Variants in PTCHD1 observed in about 807,000 individuals in gnomAD.
PTCHD1 encodes the protein patched domain-containing protein 1.
A neutral mutation model predicts 34.6 loss-of-function variants in PTCHD1; 3 were observed. The ratio of observed to expected loss-of-function variants is 0.09; its 90% CI spans 0.04 to 0.22. The LOEUF (loss-of-function observed/expected upper bound fraction) is 0.22. PTCHD1 is among the 10% of genes least tolerant of loss of function. The probability of loss-of-function intolerance (pLI) is 1.00; values close to 1 mark genes in which losing one functional copy is unlikely to be tolerated. For missense variants in PTCHD1, 504 were observed against 685.5 expected (o/e 0.74, Z 2.96); for synonymous variants, 305 against 283.1 (o/e 1.08, Z -0.77).
At chrX:23,380,782 G>A (rs959675597) in intron 2 of PTCHD1, among the ~76,000 whole-genome samples, 27 of 111,301 alleles carry the variant, frequency 2.4e-4, no homozygotes, top group Non-Finnish European at 3.8e-5. Context: ...ACACACCTCA[G>A]AGAGGTCCTC....
intron 1 of PTCHD1, among the ~76,000 whole-genome samples, chrX:23,342,299 TA>T (rs1921349920): frequency 6.8e-4 from 6 of 8,785 alleles, no homozygotes; most frequent in East Asian, 6.0e-3. Flanking sequence ...TATATATATA[TA>T]TATATATATA....
Position 23,379,783 on chromosome X carries a change from G to T in PTCHD1, c.544G>T (p.Asp182Tyr). Residue 182 changes from aspartate to tyrosine, a missense_variant, in exon 2 of 3, where the codon GAC becomes TAC. Transcript: ENST00000379361. ...AITYPITHLK[D>Y]GRAVYNGHQL... Reference sequence around the variant, plus strand: ...CACATACCCAATCACTCACTTAAAGGACGGGAGGGCTGTGTACAATGGGCA... The same window carrying T: ...CACATACCCAATCACTCACTTAAAGTACGGGAGGGCTGTGTACAATGGGCA... The T allele has an allele frequency of 3.3e-6, 4 of 1,211,404 alleles. No individual in the cohort carries two copies. Among genetic ancestry groups the T allele is most frequent in the Non-Finnish European group, 4.5e-6 (4 of 895,482 alleles).
chrX:23,365,551 C>T (rs997630227), intron 1 of PTCHD1, among the ~76,000 whole-genome samples: 1 of 111,449 alleles, frequency 9.0e-6, no homozygotes, highest in Admixed American at 9.5e-5. Context: ...CAGGCCACTT[C>T]TGTGGGCAAC....
At position 23,380,058 on chromosome X, in the gene PTCHD1, C is replaced by A. The variant is rs769884877; in HGVS notation, c.819C>A (p.Val273=). ...GCCGCGTATCAGAACGTTACCTGGTCACCAGCCTGATTCTGGTGGTTACCA... is the reference window on the plus strand; with the variant it reads ...GCCGCGTATCAGAACGTTACCTGGTAACCAGCCTGATTCTGGTGGTTACCA... ...KTSRVSERYL[V]TSLILVVTMA... is the part of the protein sequence containing the mutation. The change falls in exon 2 of 3, where the codon GTC becomes GTA. Residue 273 remains valine (V), a synonymous_variant. Coordinates refer to ENST00000379361, the MANE Select transcript of PTCHD1 (RefSeq NM_173495.3). 2 of 1,211,869 alleles carry A rather than the reference C, an allele frequency of 1.7e-6. No individual in the cohort carries two copies. The highest frequency in any genetic ancestry group is 3.5e-5 in the South Asian group (2 of 56,973).
chrX:23,378,126 G>A (rs982561683), intron 1 of PTCHD1, among the ~76,000 whole-genome samples: 2 of 111,832 alleles, frequency 1.8e-5, no homozygotes, highest in African/African-American at 3.2e-5. Flanking sequence ...TTTTGCACAC[G>A]GGCCACATTT....
chrX:23,357,451 T>G (rs1348717166), intron 1 of PTCHD1, among the ~76,000 whole-genome samples: 3 of 111,308 alleles, frequency 2.7e-5, no homozygotes, highest in Non-Finnish European at 3.8e-5. Flanking sequence ...CTGTAAAATG[T>G]TATGATCACT....
rs745408095 is a variant in PTCHD1, at chrX:23,358,359, T to C, written c.352-21232T>C. Reference sequence around the variant, plus strand: ...TTTTAATGATTGCCATTCTAACTGGTGTGAGATGGTATCTCATTGTGGTTT... The same window carrying C: ...TTTTAATGATTGCCATTCTAACTGGCGTGAGATGGTATCTCATTGTGGTTT... On this transcript the variant is annotated intron_variant, in intron 1 of 2. Coordinates refer to ENST00000379361, the MANE Select transcript of PTCHD1 (RefSeq NM_173495.3). Among the ~76,000 whole-genome samples the C allele has an allele frequency of 1.1e-4, 12 of 112,248 alleles. No homozygotes were observed. In the South Asian group the frequency reaches 4.5e-3, roughly 42 times the overall value.
intron 1 of PTCHD1, among the ~76,000 whole-genome samples, chrX:23,354,866 CGG>C (rs1167387592): frequency 9.3e-6 from 1 of 107,108 alleles, no homozygotes; most frequent in Non-Finnish European, 2.0e-5. Flanking sequence ...CCACCACACC[CGG>C]CCAAAATTCT....
intron 1 of PTCHD1, among the ~76,000 whole-genome samples, chrX:23,353,092 G>A (rs1921687930): frequency 8.9e-6 from 1 of 112,123 alleles, no homozygotes; most frequent in East Asian, 2.8e-4. Context: ...AAATCTCATT[G>A]TATTCTATAT....
intron 2 of PTCHD1, among the ~76,000 whole-genome samples, chrX:23,388,428 A>G (rs1299365947): frequency 2.7e-5 from 3 of 112,441 alleles, no homozygotes; most frequent in South Asian, 7.3e-4. Context: ...GTAGGAAACA[A>G]CAGTCAGACC....
intron 1 of PTCHD1, among the ~76,000 whole-genome samples, chrX:23,339,654 T>G (rs1179979952): frequency 1.8e-5 from 2 of 112,347 alleles, no homozygotes; most frequent in African/African-American, 6.5e-5. Flanking sequence ...GATCATAGTT[T>G]TTCCAAATGC....
At chrX:23,367,290 A>G (rs1922173002) in intron 1 of PTCHD1, among the ~76,000 whole-genome samples, 1 of 112,298 alleles carries the variant, frequency 8.9e-6, no homozygotes, top group Non-Finnish European at 1.9e-5. Context: ...CAACAAAGCA[A>G]AAAACCTCTG....
chrX:23,368,961 G>A (rs1922212643), intron 1 of PTCHD1, among the ~76,000 whole-genome samples: 1 of 111,133 alleles, frequency 9.0e-6, no homozygotes, highest in Non-Finnish European at 1.9e-5. Flanking sequence ...CTACTCGGGA[G>A]GCTGAAGCAG....
chrX:23,342,266 C>CTA (rs1194698667), intron 1 of PTCHD1, among the ~76,000 whole-genome samples: 100 of 31,201 alleles, frequency 3.2e-3, no homozygotes, highest in Admixed American at 4.7e-3. Flanking sequence ...GTGTTTCTCC[C>CTA]TATATATATA....
chrX:23,369,795 G>A (rs934984201), intron 1 of PTCHD1, among the ~76,000 whole-genome samples: 6 of 111,547 alleles, frequency 5.4e-5, no homozygotes, highest in Non-Finnish European at 9.4e-5. Context: ...CAAACTTGGA[G>A]CTTATACTGG....
intron 1 of PTCHD1, among the ~76,000 whole-genome samples, chrX:23,367,633 C>T (rs1198832548): frequency 9.0e-6 from 1 of 111,483 alleles, no homozygotes; most frequent in African/African-American, 3.3e-5. Context: ...ATAACTGAAT[C>T]TTGCAAAAAC....
At chrX:23,388,555 G>A (rs1453958514) in intron 2 of PTCHD1, among the ~76,000 whole-genome samples, 2 of 112,051 alleles carry the variant, frequency 1.8e-5, no homozygotes, top group African/African-American at 6.5e-5. Flanking sequence ...GGTTGTGCGT[G>A]GTGGCTCATG....
chrX:23,382,162 T>C (rs1007485374), intron 2 of PTCHD1, among the ~76,000 whole-genome samples: 1 of 111,842 alleles, frequency 8.9e-6, no homozygotes, highest in African/African-American at 3.3e-5. Context: ...GTGCTGATTT[T>C]ATGACATTCC....
chrX:23,393,076 C>G lies in PTCHD1; in HGVS notation c.1558C>G (p.Leu520Val), dbSNP rs1454721681. ...TATTTCCTTTGCCTTAATGGGCTATCTGCAGGTCAGTGAAGGGTCAGACCT... is the reference window on the plus strand; with the variant it reads ...TATTTCCTTTGCCTTAATGGGCTATGTGCAGGTCAGTGAAGGGTCAGACCT... Reference protein sequence around the residue: ...IYISFALMGYLQVSEGSDLSN... With the variant: ...IYISFALMGYVQVSEGSDLSN... The change falls in exon 3 of 3, where the codon CTG becomes GTG. Residue 520 changes from leucine to valine, a missense_variant. By Grantham distance (32) the Leu-to-Val change is conservative. Coordinates refer to ENST00000379361, the MANE Select transcript of PTCHD1 (RefSeq NM_173495.3). 8.3e-7 allele frequency: 1 copy of G among 1,211,456 alleles called. No individual in the cohort carries two copies. Among genetic ancestry groups the G allele is most frequent in the East Asian group, 3.0e-5 (1 of 33,848 alleles).
Sources: gnomAD v4.1 joint callset for allele counts (sites outside exome capture counted in the v4.1 genomes callset) on GRCh38, gnomAD v4.1.1 for gene constraint, MANE v1.5 for transcripts, NCBI Gene and HGNC (gene_info 2026-07-23, HGNC 2026-07-21) for gene names.